The following CFAP54 variants were observed in gnomAD, a reference collection of about 807,000 sequenced individuals.
The protein encoded by CFAP54 is cilia- and flagella-associated protein 54.
Under a neutral mutation model 370.4 loss-of-function variants are expected in CFAP54, and 290 were observed. The observed-to-expected ratio is 0.78, with a 90% CI of 0.71 to 0.86. CFAP54 has a LOEUF of 0.86. Ranked by LOEUF, CFAP54 falls within the 40% of genes least tolerant of loss-of-function variation. The probability of loss-of-function intolerance (pLI) is 0.00; values close to 1 mark genes in which losing one functional copy is unlikely to be tolerated. For missense variants in CFAP54, 3,399 were observed against 3,528.7 expected (o/e 0.96, Z 0.93); for synonymous variants, 1,206 against 1,236.5 (o/e 0.98, Z 0.52).
Position 96,576,682 on chromosome 12 carries a change from TC to T in CFAP54, c.2723del (p.Pro908LeufsTer13). The T allele has an allele frequency of 6.5e-7, 1 of 1,535,348 alleles. No individual in the cohort carries two copies. Among genetic ancestry groups the T allele is most frequent in the East Asian group, 2.4e-5 (1 of 40,862 alleles). On this transcript the variant is annotated frameshift_variant, in exon 20 of 68. Transcript: ENST00000524981. LOFTEE classifies it high-confidence loss of function. Reference protein sequence around the residue: ...LESSKRKKSRVPPPPILLSRT... With the variant: ...LESSKRKKSRXPPPPILLSRT... ...AGTTCAAAAAGAAAGAAAAGCAGAG[TC>T]CCCCCTCCACCTATCCTGCTGTCTC... is the stretch of plus-strand genomic sequence containing the variant.
chr12:96,599,753 G>T (rs1043444096), intron 26 of CFAP54, among the ~76,000 whole-genome samples: 45 of 152,176 alleles, frequency 3.0e-4, no homozygotes, highest in African/African-American at 1.0e-3. Context: ...TTTCTCTGAT[G>T]ACCAGTGATG....
At position 96,764,210 on chromosome 12, in the gene CFAP54, C is replaced by T. The variant is rs776275152; in HGVS notation, c.8100C>T (p.Tyr2700=). ...CATCAGCAAATAAATTTGAAATGTA[C>T]AGTTCATTAGCCTGGATTGCAATAA... ...KETSANKFEM[Y]SSLAWIAIRA... is the part of the protein sequence containing the mutation. Residue 2700 remains tyrosine (Y), a synonymous_variant, in exon 59 of 68, where the codon TAC becomes TAT. Transcript: ENST00000524981. The T allele has an allele frequency of 6.2e-7, 1 of 1,613,102 alleles. No homozygotes were observed. The highest frequency in any genetic ancestry group is 2.2e-5 in the East Asian group (1 of 44,830).
intron 51 of CFAP54, 93 bp from the exon 52 acceptor site, chr12:96,742,346 C>A: frequency 1.2e-6 from 1 of 805,288 alleles, no homozygotes; most frequent in Non-Finnish European, 2.0e-6. Flanking sequence ...GGAATGATAC[C>A]AGATGCCTTT....
intron 26 of CFAP54, among the ~76,000 whole-genome samples, chr12:96,609,671 G>C (rs190063869): frequency 7.0e-4 from 106 of 152,136 alleles, no homozygotes; most frequent in Non-Finnish European, 1.2e-3. Context: ...ACCCCATGAC[G>C]ATCTGGTAAA....
intron 19 of CFAP54, among the ~76,000 whole-genome samples, chr12:96,574,608 C>T (rs1955956860): frequency 1.3e-5 from 2 of 151,756 alleles, no homozygotes; most frequent in South Asian, 4.2e-4. Context: ...GTCTTTTTGG[C>T]CATTGAGCAC....
rs1202725372 is a variant in CFAP54 at position 96,743,711 on chromosome 12, G to A, written c.7378-20G>A. The A allele has an allele frequency of 6.4e-7, 1 of 1,565,974 alleles. No homozygotes were observed. Among genetic ancestry groups the A allele is most frequent in the Non-Finnish European group, 8.7e-7 (1 of 1,153,714 alleles). ...GAATTGGAAACAGTACTATCAAAATGAATAATTTTATTTTAATAGGATATA... is the reference window on the plus strand; with the variant it reads ...GAATTGGAAACAGTACTATCAAAATAAATAATTTTATTTTAATAGGATATA... On this transcript the variant is annotated intron_variant, in intron 53 of 67. Coordinates refer to ENST00000524981, the MANE Select transcript of CFAP54 (RefSeq NM_001306084.2).
intron 20 of CFAP54, among the ~76,000 whole-genome samples, chr12:96,579,414 A>T (rs1316979765): frequency 1.3e-5 from 2 of 152,178 alleles, no homozygotes; most frequent in Non-Finnish European, 2.9e-5. Context: ...ATTCTGTACA[A>T]ATTTGTATTT....
intron 60 of CFAP54, among the ~76,000 whole-genome samples, chr12:96,777,343 G>A (rs1958527265): frequency 1.3e-5 from 2 of 149,708 alleles, no homozygotes; most frequent in African/African-American, 4.9e-5. Context: ...CTTCATCAAG[G>A]ATATTCTTTT....
chr12:96,691,585 A>G (rs1032319968), intron 44 of CFAP54, among the ~76,000 whole-genome samples: 1 of 152,160 alleles, frequency 6.6e-6, no homozygotes, highest in East Asian at 1.9e-4. Context: ...ATTGATCAGA[A>G]TGCATCACTG....
intron 17 of CFAP54, among the ~76,000 whole-genome samples, chr12:96,556,344 C>T (rs1955751208): frequency 6.6e-6 from 1 of 151,006 alleles, no homozygotes; most frequent in Admixed American, 6.6e-5. Flanking sequence ...AAAAATAAAA[C>T]CCCAAAACCA....
intron 39 of CFAP54, among the ~76,000 whole-genome samples, chr12:96,670,369 A>G (rs924239433): frequency 5.9e-5 from 9 of 152,180 alleles, no homozygotes; most frequent in African/African-American, 1.9e-4. Context: ...GCTTACAGTC[A>G]CCTAATGAGG....
chr12:96,731,456 A>G (rs1198628723), intron 50 of CFAP54, among the ~76,000 whole-genome samples: 1 of 152,168 alleles, frequency 6.6e-6, no homozygotes, highest in Non-Finnish European at 1.5e-5. Flanking sequence ...TGGACAAACT[A>G]TGGTTATTCA....
In CFAP54 at chr12:96,489,788, T is replaced by C. The variant is rs1954856370; in HGVS notation, c.179T>C (p.Val60Ala). The part of the protein sequence containing the change: ...TCPEDSLPLA[V>A]FYGPLDAKNP... Reference sequence around the variant, plus strand: ...CCCGAGGACTCATTGCCCCTAGCCGTGTTTTATGGGCCGCTGGACGCGAAA... The same window carrying C: ...CCCGAGGACTCATTGCCCCTAGCCGCGTTTTATGGGCCGCTGGACGCGAAA... The change falls in exon 1 of 68, where the codon GTG becomes GCG. Residue 60 changes from valine (V) to alanine (A), a missense_variant. Physicochemically the swap from Val to Ala is moderately conservative, Grantham distance 64. Transcript: ENST00000524981. 6.5e-7 allele frequency: 1 copy of C among 1,536,134 alleles called. No individual in the cohort carries two copies. Among genetic ancestry groups the C allele is most frequent in the Non-Finnish European group, 8.7e-7 (1 of 1,146,914 alleles).
intron 38 of CFAP54, among the ~76,000 whole-genome samples, chr12:96,663,342 T>TTTTAAATTTTTAAA (rs1259667564): frequency 2.0e-5 from 3 of 152,202 alleles, no homozygotes; most frequent in Non-Finnish European, 2.9e-5. Flanking sequence ...ATTTTTGTCT[T>TTTTAAATTTTTAAA]TTTAAAACTT....
At chr12:96,851,271 T>A (rs570686077) in intron 66 of CFAP54, among the ~76,000 whole-genome samples, 1 of 152,242 alleles carries the variant, frequency 6.6e-6, no homozygotes, top group African/African-American at 2.4e-5. Context: ...TCTTCATGAT[T>A]TCGAAGGTAG....
intron 33 of CFAP54, 83 bp downstream of exon 33, chr12:96,644,491 T>C: frequency 1.0e-6 from 1 of 980,662 alleles, no homozygotes; most frequent in Non-Finnish European, 1.5e-6. Context: ...CCAATGGTGC[T>C]AACAACTTAA....
chr12:96,535,574 T>C lies in CFAP54; in HGVS notation c.1765T>C (p.Tyr589His). The C allele has an allele frequency of 6.5e-7, 1 of 1,535,840 alleles. No homozygotes were observed. ...TATTTTCCATTTGGCAGCAACCTTG[T>C]ATGTCTGTGTCTGCACTGCTCCCCA... is the stretch of plus-strand genomic sequence containing the variant. ...EDIFHLAATL[Y>H]VCVCTAPQDV... Residue 589 changes from tyrosine to histidine, a missense_variant, in exon 12 of 68, where the codon TAT (tyrosine) becomes CAT (histidine). By Grantham distance (83) the Tyr-to-His change is moderately conservative (BLOSUM62 2). Transcript: ENST00000524981.
rs115346916 is a variant in CFAP54 at position 96,772,935 on chromosome 12, G to T, written c.8281+7717G>T. 2.9e-3 allele frequency among the ~76,000 whole-genome samples: 436 copies of T among 152,132 alleles called. 4 individuals carry two copies. The highest frequency in any genetic ancestry group is 9.7e-3 in the African/African-American group (403 of 41,514). On this transcript the variant is annotated intron_variant, in intron 60 of 67. Coordinates refer to ENST00000524981, the MANE Select transcript of CFAP54 (RefSeq NM_001306084.2). ...TGGTCTGCAATCTTAATTCTCCTTT[G>T]CCCTGTAATCTAACATATTCACAGA...
chr12:96,736,316 G>A (rs1213127758), intron 50 of CFAP54, among the ~76,000 whole-genome samples: 3 of 152,102 alleles, frequency 2.0e-5, no homozygotes, highest in Non-Finnish European at 4.4e-5. Context: ...GACTTCTAAT[G>A]CCCCAAATTT....
Sources: allele counts gnomAD v4.1 joint callset (sites outside exome capture counted in the v4.1 genomes callset), GRCh38; gene constraint gnomAD v4.1.1; transcripts MANE v1.5; gene names NCBI Gene and HGNC (gene_info 2026-07-23, HGNC 2026-07-21).